Variants in SHISA6 observed in about 807,000 individuals in gnomAD.
SHISA6 encodes shisa family member 6.
A neutral mutation model predicts 47.9 loss-of-function variants in SHISA6; 22 were observed. The ratio of observed to expected loss-of-function variants is 0.46; its 90% CI spans 0.33 to 0.66. The LOEUF is 0.66. Among genes scored for constraint, SHISA6 ranks in the 30% least tolerant of loss-of-function variants. The pLI is 0.02. For missense variants in SHISA6, 680 were observed against 764.6 expected (o/e 0.89, Z 1.30); for synonymous variants, 388 against 337.8 (o/e 1.15, Z -1.63).
intron 3 of SHISA6, among the ~76,000 whole-genome samples, chr17:11,464,137 G>C (rs920160560): frequency 2.0e-5 from 3 of 152,148 alleles, no homozygotes; most frequent in African/African-American, 4.8e-5. Context: ...GGCTGGTCTT[G>C]AACTCCTGGG....
intron 3 of SHISA6, among the ~76,000 whole-genome samples, chr17:11,441,968 A>G (rs1345243931): frequency 6.6e-6 from 1 of 152,004 alleles, no homozygotes; most frequent in Non-Finnish European, 1.5e-5. Flanking sequence ...GTCCTGAGCA[A>G]CTCCTCAGAG....
intron 3 of SHISA6, among the ~76,000 whole-genome samples, chr17:11,502,579 T>C (rs2071464062): frequency 6.6e-6 from 1 of 150,980 alleles, no homozygotes; most frequent in Admixed American, 6.6e-5. Flanking sequence ...GTAAAAAAAT[T>C]AGCCACGCAT....
intron 3 of SHISA6, among the ~76,000 whole-genome samples, chr17:11,380,997 C>G (rs1567589886): frequency 1.3e-5 from 2 of 152,154 alleles, no homozygotes; most frequent in Admixed American, 6.5e-5. Context: ...CCAATCCTAT[C>G]AGTTGCACGC....
At chr17:11,483,781 C>A (rs958401722) in intron 3 of SHISA6, among the ~76,000 whole-genome samples, 1 of 152,106 alleles carries the variant, frequency 6.6e-6, no homozygotes, top group African/African-American at 2.4e-5. Flanking sequence ...AATAGCGAGA[C>A]CCTGTCTCTA....
chr17:11,427,255 T>G (rs1433574429), intron 3 of SHISA6, among the ~76,000 whole-genome samples: 1 of 152,098 alleles, frequency 6.6e-6, no homozygotes, highest in Non-Finnish European at 1.5e-5. Context: ...TGCCTTAGCC[T>G]CCAGAGTAGC....
intron 2 of SHISA6, among the ~76,000 whole-genome samples, chr17:11,269,813 A>G (rs1908573157): frequency 6.6e-6 from 1 of 152,158 alleles, no homozygotes; most frequent in African/African-American, 2.4e-5. Flanking sequence ...GGGGTCACTT[A>G]AGTGGGAGGT....
chr17:11,244,675 C>T (rs1907505765), intron 1 of SHISA6, among the ~76,000 whole-genome samples: 1 of 152,078 alleles, frequency 6.6e-6, no homozygotes. Context: ...AATGAGTTTT[C>T]CTTAGGGAAA....
At chr17:11,247,837 C>T (rs924821015) in intron 1 of SHISA6, among the ~76,000 whole-genome samples, 27 of 149,822 alleles carry the variant, frequency 1.8e-4, no homozygotes, top group African/African-American at 6.4e-4. Context: ...TGCAGTGGCA[C>T]AATGTCTGCT....
chr17:11,540,005 T>C (rs2071819838), intron 3 of SHISA6, among the ~76,000 whole-genome samples: 1 of 152,174 alleles, frequency 6.6e-6, no homozygotes, highest in South Asian at 2.1e-4. Flanking sequence ...AGAGAATTGT[T>C]AGCTTTGCTA....
Position 11,394,079 on chromosome 17 carries a change from G to T in SHISA6, c.895+14570G>T, listed in dbSNP as rs114881389. On this transcript the variant is annotated intron_variant, in intron 3 of 5. Coordinates refer to ENST00000441885, the MANE Select transcript of SHISA6 (RefSeq NM_207386.4). Reference sequence around the variant, plus strand: ...TTATTTTTAACTTGTATGCTGTCTTGCCTAATGCCTGTCTTTGCCCCTGTG... The same window carrying T: ...TTATTTTTAACTTGTATGCTGTCTTTCCTAATGCCTGTCTTTGCCCCTGTG... Among the ~76,000 whole-genome samples the T allele has an allele frequency of 7.3e-3, 1,117 of 152,066 alleles. 15 individuals carry two copies. The highest frequency in any genetic ancestry group is 0.025 in the African/African-American group (1,049 of 41,448).
At chr17:11,373,032 A>G (rs933800744) in intron 2 of SHISA6, among the ~76,000 whole-genome samples, 1 of 151,874 alleles carries the variant, frequency 6.6e-6, no homozygotes, top group African/African-American at 2.4e-5. Flanking sequence ...GTCAATAAAG[A>G]TAACTCGTTA....
chr17:11,487,997 T>C (rs1916391894), intron 3 of SHISA6, among the ~76,000 whole-genome samples: 1 of 152,206 alleles, frequency 6.6e-6, no homozygotes, highest in South Asian at 2.1e-4. Flanking sequence ...AAGTCTGATA[T>C]CCTGGGTTTT....
intron 3 of SHISA6, among the ~76,000 whole-genome samples, chr17:11,444,951 T>C (rs966034980): frequency 1.3e-5 from 2 of 152,180 alleles, no homozygotes; most frequent in African/African-American, 2.4e-5. Flanking sequence ...AATTCTAAAA[T>C]AATGTTATTG....
In SHISA6 at chr17:11,562,802, G is replaced by T. The variant is rs2072057446; in HGVS notation, c.*4498G>T. The T allele has an allele frequency of 1.3e-5, 2 of 152,794 alleles. No homozygotes were observed. The highest frequency in any genetic ancestry group is 2.9e-5 in the Non-Finnish European group (2 of 68,554). The allele number at this position is 152,794 out of a possible 1,614,324, so 9.5% of individuals were successfully genotyped here. ...CGTTCCTCCCCACCTCCACTGAGCT[G>T]CACACATCCCACAATGCCTGCCCCA... On this transcript the variant is annotated 3_prime_UTR_variant, in exon 6 of 6. Coordinates refer to ENST00000441885, the MANE Select transcript of SHISA6 (RefSeq NM_207386.4).
Position 11,312,761 on chromosome 17 carries a change from T to G in SHISA6, c.799+49235T>G, listed in dbSNP as rs184482330. 3.7e-4 allele frequency among the ~76,000 whole-genome samples: 56 copies of G among 152,352 alleles called. 1 individual carries two copies. Among genetic ancestry groups the G allele is most frequent in the African/African-American group, 1.3e-3 (52 of 41,586 alleles). ...TTTCATTCTTTTTAAATGGTCATTTTATAATATGGAATAAATGTATCAAAT... is the reference window on the plus strand; with the variant it reads ...TTTCATTCTTTTTAAATGGTCATTTGATAATATGGAATAAATGTATCAAAT... On this transcript the variant is annotated intron_variant, in intron 2 of 5. Transcript: ENST00000441885.
At position 11,493,666 on chromosome 17, in the gene SHISA6, G is replaced by A. The variant is rs559501655; in HGVS notation, c.896-58230G>A. ...CCTTCAGCAGAGTTGCCAGGCCCAAGGGGTACCGTATACAAGGCATCAAAG... is the reference window on the plus strand; with the variant it reads ...CCTTCAGCAGAGTTGCCAGGCCCAAAGGGTACCGTATACAAGGCATCAAAG... On this transcript the variant is annotated intron_variant, in intron 3 of 5. Coordinates refer to ENST00000441885, the MANE Select transcript of SHISA6 (RefSeq NM_207386.4). Among the ~76,000 whole-genome samples the A allele has an allele frequency of 2.0e-5, 3 of 152,320 alleles. No individual in the cohort carries two copies. The South Asian group carries it at 6.2e-4, about 32-fold the overall frequency.
chr17:11,376,247 C>T (rs953151781), intron 2 of SHISA6, among the ~76,000 whole-genome samples: 1 of 152,080 alleles, frequency 6.6e-6, no homozygotes, highest in African/African-American at 2.4e-5. Flanking sequence ...TAACTCTATG[C>T]ATCACCAAGG....
chr17:11,365,519 C>T (rs1912422209), intron 2 of SHISA6, among the ~76,000 whole-genome samples: 1 of 152,162 alleles, frequency 6.6e-6, no homozygotes. Context: ...CTCAAGTGAC[C>T]CACCTGCCTT....
chr17:11,368,137 C>T (rs191429866), intron 2 of SHISA6, among the ~76,000 whole-genome samples: 10 of 152,294 alleles, frequency 6.6e-5, no homozygotes, highest in East Asian at 1.9e-4. Flanking sequence ...GTACAAGACT[C>T]GGTGTGTCCA....
Sources: allele counts gnomAD v4.1 joint callset (sites outside exome capture counted in the v4.1 genomes callset), GRCh38; gene constraint gnomAD v4.1.1; transcripts MANE v1.5; gene names NCBI Gene and HGNC (gene_info 2026-07-23, HGNC 2026-07-21).